CPEB3: variants seen among roughly 807,000 people sequenced by gnomAD.
CPEB3 encodes cytoplasmic polyadenylation element-binding protein 3.
A neutral mutation model predicts 67.2 loss-of-function variants in CPEB3; 20 were observed. The observed-to-expected ratio is 0.30, with a 90% CI of 0.21 to 0.43. CPEB3 has a LOEUF of 0.43. Among genes scored for constraint, CPEB3 ranks in the 20% least tolerant of loss-of-function variants. CPEB3 has a pLI of 1.00. For synonymous variants in CPEB3, 376 were observed against 393.1 expected (o/e 0.96, Z 0.51); for missense variants, 746 against 968.6 (o/e 0.77, Z 3.05).
At chr10:92,119,167 A>C (rs1845203331) in intron 6 of CPEB3, 1 of 1,582,072 alleles carries the variant, frequency 6.3e-7, no homozygotes, top group South Asian at 1.1e-5. Flanking sequence ...CCATATGAAG[A>C]ACGGAGGTTC....
intron 1 of CPEB3, among the ~76,000 whole-genome samples, chr10:92,268,645 TTTC>T (rs1008038397): frequency 8.5e-5 from 13 of 152,240 alleles, no homozygotes; most frequent in South Asian, 2.1e-4. Context: ...TTGAACTCAC[TTTC>T]TTCTTCTTCT....
At chr10:92,189,823 C>A (rs1848877198) in intron 3 of CPEB3, among the ~76,000 whole-genome samples, 1 of 105,944 alleles carries the variant, frequency 9.4e-6, no homozygotes, top group African/African-American at 3.8e-5. Flanking sequence ...TCACCACGCC[C>A]TGCCTCCAGT....
chr10:92,119,585 G>A (rs143897090), intron 6 of CPEB3, among the ~76,000 whole-genome samples: 2 of 152,274 alleles, frequency 1.3e-5, no homozygotes, highest in Non-Finnish European at 2.9e-5. Context: ...CTGGCTTAAA[G>A]GACAATTCTG....
At chr10:92,111,616 T>C (rs1167516074) in intron 6 of CPEB3, among the ~76,000 whole-genome samples, 5 of 152,184 alleles carry the variant, frequency 3.3e-5, no homozygotes, top group African/African-American at 1.2e-4. Context: ...ACAAAATATG[T>C]CCAGAACCAG....
intron 6 of CPEB3, among the ~76,000 whole-genome samples, chr10:92,113,062 G>A (rs1471094858): frequency 1.3e-5 from 2 of 152,102 alleles, no homozygotes; most frequent in Admixed American, 6.5e-5. Context: ...AAAAAGACCA[G>A]CCACTCCCTA....
chr10:92,137,548 T>G (rs937663400), intron 6 of CPEB3: 5 of 769,206 alleles, frequency 6.5e-6, no homozygotes, highest in South Asian at 5.4e-5. Flanking sequence ...GGACCCCATT[T>G]GGATTCCTGT....
At chr10:92,194,367 A>T (rs1007445791) in intron 2 of CPEB3, among the ~76,000 whole-genome samples, 1 of 151,840 alleles carries the variant, frequency 6.6e-6, no homozygotes, top group Non-Finnish European at 1.5e-5. Context: ...TGGACCCGGG[A>T]GGCAGAGGTT....
At chr10:92,135,404 G>C (rs1001568828) in intron 6 of CPEB3, among the ~76,000 whole-genome samples, 3 of 152,126 alleles carry the variant, frequency 2.0e-5, no homozygotes, top group Non-Finnish European at 4.4e-5. Context: ...ACAGACACAT[G>C]AAAAAATGCT....
intron 4 of CPEB3, among the ~76,000 whole-genome samples, chr10:92,157,316 A>G (rs550861034): frequency 1.3e-5 from 2 of 152,340 alleles, no homozygotes; most frequent in Admixed American, 1.3e-4. Flanking sequence ...ATTACAACCT[A>G]CGTGTCTGAC....
intron 2 of CPEB3, among the ~76,000 whole-genome samples, chr10:92,234,435 G>A (rs1011865411): frequency 6.6e-6 from 1 of 152,126 alleles, no homozygotes; most frequent in Non-Finnish European, 1.5e-5. Context: ...TAAAAACACA[G>A]CTTCCAGGGT....
intron 9 of CPEB3, among the ~76,000 whole-genome samples, chr10:92,071,689 C>T (rs1206275746): frequency 2.7e-5 from 4 of 150,904 alleles, no homozygotes; most frequent in Non-Finnish European, 5.9e-5. Context: ...GAGCCAAGAT[C>T]GCACCACTGC....
At chr10:92,261,198 G>A (rs553151104) in intron 1 of CPEB3, among the ~76,000 whole-genome samples, 3 of 152,224 alleles carry the variant, frequency 2.0e-5, no homozygotes, top group African/African-American at 4.8e-5. Flanking sequence ...CATTCACAAA[G>A]GCATTAGACT....
rs147303106 is a variant in CPEB3, at chr10:92,078,574, C to T, written c.1869+2746G>A. On this transcript the variant is annotated intron_variant, in intron 9 of 9. Coordinates refer to ENST00000265997, the MANE Select transcript of CPEB3 (RefSeq NM_014912.5). Reference sequence around the variant, plus strand: ...TCCAAATTCCCTACTCTTTCCACTACAACTGGCTGCTACCTTAAATGTTTA... The same window carrying T: ...TCCAAATTCCCTACTCTTTCCACTATAACTGGCTGCTACCTTAAATGTTTA... Among the ~76,000 whole-genome samples, 10 of 152,282 alleles carry T rather than the reference C, an allele frequency of 6.6e-5. No individual in the cohort carries two copies. The East Asian group carries it at 1.9e-3, about 29-fold the overall frequency.
intron 2 of CPEB3, among the ~76,000 whole-genome samples, chr10:92,208,249 A>G (rs1590390801): frequency 6.6e-6 from 1 of 152,192 alleles, no homozygotes; most frequent in Non-Finnish European, 1.5e-5. Flanking sequence ...AAATCCCCCA[A>G]GTTGAATACC....
At chr10:92,241,007 T>C (rs1467597493) in intron 1 of CPEB3, among the ~76,000 whole-genome samples, 3 of 152,156 alleles carry the variant, frequency 2.0e-5, no homozygotes, top group Admixed American at 1.3e-4. Context: ...AATCATTCTC[T>C]GGCCTCCCAG....
intron 6 of CPEB3, among the ~76,000 whole-genome samples, chr10:92,139,289 TAA>T (rs3048542): frequency 3.7e-4 from 26 of 71,104 alleles, no homozygotes; most frequent in African/African-American, 2.6e-4. Context: ...CACACACACA[TAA>T]AAAAAAAAAA....
intron 3 of CPEB3, among the ~76,000 whole-genome samples, chr10:92,185,543 G>A (rs141762360): frequency 1.8e-3 from 280 of 152,064 alleles, no homozygotes; most frequent in Admixed American, 3.4e-3. Context: ...GCTTTTATGA[G>A]TTCAAAATAA....
intron 2 of CPEB3, among the ~76,000 whole-genome samples, chr10:92,207,724 G>T (rs531976378): frequency 6.6e-6 from 1 of 152,184 alleles, no homozygotes; most frequent in African/African-American, 2.4e-5. Flanking sequence ...ACAAACATTA[G>T]CTGGGTGTGG....
chr10:92,271,327 T>C (rs892822867), intron 1 of CPEB3, among the ~76,000 whole-genome samples: 2 of 152,228 alleles, frequency 1.3e-5, no homozygotes, highest in Non-Finnish European at 2.9e-5. Context: ...ATTATCAAAA[T>C]CAGGAAATTA....
Sources: gnomAD v4.1 joint callset for allele counts (sites outside exome capture counted in the v4.1 genomes callset) on GRCh38, gnomAD v4.1.1 for gene constraint, MANE v1.5 for transcripts, NCBI Gene and HGNC (gene_info 2026-07-23, HGNC 2026-07-21) for gene names.